Variants in ANKAR observed in about 807,000 individuals in gnomAD.
ANKAR encodes ankyrin and armadillo repeat-containing protein.
ANKAR carries 136 observed loss-of-function variants against 146.2 expected under a neutral mutation model. That is an observed-to-expected ratio of 0.93 (90% CI 0.81 to 1.07). ANKAR has a LOEUF of 1.07. ANKAR is among the 50% of genes least tolerant of loss of function. The probability of loss-of-function intolerance (pLI) is 0.00; values close to 1 mark genes in which losing one functional copy is unlikely to be tolerated. For synonymous variants in ANKAR, 500 were observed against 575.8 expected (o/e 0.87, Z 1.88); for missense variants, 1,567 against 1,679.9 (o/e 0.93, Z 1.18).
At chr2:189,696,425 A>G in intron 7 of ANKAR, 56 bp downstream of exon 7, 2 of 1,516,308 alleles carry the variant, frequency 1.3e-6, no homozygotes, top group South Asian at 2.5e-5. Flanking sequence ...CTTACTCAGC[A>G]TTAGGAATGC....
chr2:189,676,345 A>T, intron 1 of ANKAR, 111 bp from the exon 2 acceptor site: 1 of 967,356 alleles, frequency 1.0e-6, no homozygotes, highest in East Asian at 2.7e-5. Flanking sequence ...ATGGTTGACC[A>T]TGAAAAATTA....
chr2:189,745,515 T>G (rs1270560732), intron 22 of ANKAR, among the ~76,000 whole-genome samples: 2 of 152,228 alleles, frequency 1.3e-5, no homozygotes, highest in Admixed American at 1.3e-4. Context: ...GTTGGTACAT[T>G]ACACTTGAAT....
intron 19 of ANKAR, 53 bp from the exon 20 acceptor site, chr2:189,741,289 T>C: frequency 1.5e-6 from 2 of 1,368,544 alleles, no homozygotes; most frequent in Non-Finnish European, 2.0e-6. Context: ...ATGAAAGTAT[T>C]ATAAGTTTAT....
rs572241201 is a variant in ANKAR at position 189,754,184 on chromosome 2, T to C, written c.*585-6914T>C. The C allele has an allele frequency of 4.3e-5, 70 of 1,613,848 alleles. No individual in the cohort carries two copies. The East Asian group carries it at 1.1e-3, about 25-fold the overall frequency. On this transcript the variant is annotated intron_variant and NMD_transcript_variant, in intron 18 of 18. Coordinates refer to the ANKAR transcript ENST00000441800. ...TCATTATTATTTTATCAGTAACGTGTTGAAGTCCAGTAAAAGAAAAATCAC... is the reference window on the plus strand; with the variant it reads ...TCATTATTATTTTATCAGTAACGTGCTGAAGTCCAGTAAAAGAAAAATCAC...
intron 10 of ANKAR, among the ~76,000 whole-genome samples, chr2:189,714,013 C>T (rs931065391): frequency 6.6e-6 from 1 of 152,028 alleles, no homozygotes; most frequent in Non-Finnish European, 1.5e-5. Context: ...AAAAAGGAGA[C>T]AAGGGCATTA....
chr2:189,751,444 GT>G (rs779920289), downstream of ANKAR, among the ~76,000 whole-genome samples: 11,902 of 125,962 alleles, frequency 0.094, 471 homozygotes, highest in African/African-American at 0.15. Flanking sequence ...GACAAGTTGT[GT>G]TTTTTTTTTT....
intron 2 of ANKAR, among the ~76,000 whole-genome samples, chr2:189,684,642 C>G (rs1189174299): frequency 6.6e-6 from 1 of 151,844 alleles, no homozygotes; most frequent in African/African-American, 2.4e-5. Context: ...TTCGCTTTAG[C>G]TCAGGAGTTC....
intron 7 of ANKAR, among the ~76,000 whole-genome samples, chr2:189,699,882 T>A (rs1429914429): frequency 6.6e-6 from 1 of 152,124 alleles, no homozygotes. Flanking sequence ...GCCAGGCTGG[T>A]CTCGAACTCC....
intron 16 of ANKAR, among the ~76,000 whole-genome samples, chr2:189,732,336 T>C (rs1375780296): frequency 6.6e-6 from 1 of 152,128 alleles, no homozygotes; most frequent in Admixed American, 6.5e-5. Flanking sequence ...TACTATTTCT[T>C]AGTACTACTC....
chr2:189,757,317 C>G (rs1207438823), intron 18 of ANKAR, among the ~76,000 whole-genome samples: 1 of 152,126 alleles, frequency 6.6e-6, no homozygotes, highest in Non-Finnish European at 1.5e-5. Flanking sequence ...CAAGGGTGTC[C>G]TTCAGGTTTC....
At chr2:189,745,027 C>CTACTAATAATAATAATAATAA (rs376824673) in intron 22 of ANKAR, among the ~76,000 whole-genome samples, 6,792 of 130,944 alleles carry the variant, frequency 0.052, 227 homozygotes, top group South Asian at 0.1. Flanking sequence ...ACTACTACTA[C>CTACTAATAATAATAATAATAA]TAATAATACA....
In ANKAR at chr2:189,746,365, G is replaced by A. The variant is rs762442497; in HGVS notation, c.4058-15G>A. On this transcript the variant is annotated splice_polypyrimidine_tract_variant and intron_variant, in intron 22 of 22. Coordinates refer to ENST00000684021, the MANE Select transcript of ANKAR (RefSeq NM_001378068.1). ...GGGCTCTCAGGAGAGACATTTAATT[G>A]TGGCTAATTTTTAGGGAAGGAGCAC... The A allele has an allele frequency of 1.3e-6, 2 of 1,593,352 alleles. No homozygotes were observed. The highest frequency in any genetic ancestry group is 1.7e-6 in the Non-Finnish European group (2 of 1,173,384).
chr2:189,677,279 T>C (rs117135785), intron 2 of ANKAR, among the ~76,000 whole-genome samples, 188 bp downstream of exon 2: 5,304 of 152,154 alleles, frequency 0.035, 107 homozygotes, highest in South Asian at 0.069. Flanking sequence ...TTCAATGCCA[T>C]TTTTAAAATT....
Position 189,695,036 on chromosome 2 carries a change from C to G in ANKAR, c.1363C>G (p.Gln455Glu). The change falls in exon 6 of 23, where the codon CAG (glutamine) becomes GAG (glutamate). Residue 455 changes from glutamine (Q) to glutamate (E), a missense_variant. Transcript: ENST00000684021. ...TTTCTATCAGCAACTATATAAGACACAGTGGTGGGGAGCCATAAATGAAAT... is the reference window on the plus strand; with the variant it reads ...TTTCTATCAGCAACTATATAAGACAGAGTGGTGGGGAGCCATAAATGAAAT... ...ETFYQQLYKT[Q>E]WWGAINEIVN... is the part of the protein sequence containing the mutation. 1.2e-6 allele frequency: 2 copies of G among 1,610,328 alleles called. No homozygotes were observed. The highest frequency in any genetic ancestry group is 1.7e-6 in the Non-Finnish European group (2 of 1,178,128).
chr2:189,724,977 C>A (rs2041706742), intron 12 of ANKAR, among the ~76,000 whole-genome samples: 1 of 152,112 alleles, frequency 6.6e-6, no homozygotes, highest in South Asian at 2.1e-4. Context: ...TATATACCAT[C>A]TTTCTAAGGG....
intron 11 of ANKAR, 130 bp downstream of exon 11, chr2:189,719,943 G>C: frequency 9.4e-7 from 1 of 1,065,590 alleles, no homozygotes; most frequent in Non-Finnish European, 1.3e-6. Flanking sequence ...GGAAAAGGGA[G>C]AGAGGGTGCC....
rs1375331324 is a variant in ANKAR, at chr2:189,746,486, G to A, written c.4164G>A (p.Lys1388=). 2 of 1,613,778 alleles carry A rather than the reference G, an allele frequency of 1.2e-6. No individual in the cohort carries two copies. Among genetic ancestry groups the A allele is most frequent in the Non-Finnish European group, 8.5e-7 (1 of 1,179,882 alleles). ...TGGGACTCTTCAAAGCAACAAAAAA[G>A]ACCAAGGATTCCCATAATATTTTTT... ...NFMGLFKATK[K]TKDSHNIFSF... The change falls in exon 23 of 23, where the codon AAG becomes AAA. Residue 1388 remains lysine (K), a synonymous_variant. Transcript: ENST00000684021.
rs372759915 is a variant in ANKAR, at chr2:189,707,098, A to G, written c.2071A>G (p.Ile691Val). The change falls in exon 9 of 23, where the codon ATA (isoleucine) becomes GTA (valine). Residue 691 changes from isoleucine to valine, a missense_variant. By Grantham distance (29) the Ile-to-Val change is conservative. Transcript: ENST00000684021. ...LTFHTEVLKY[I>V]IKLNIPELPV... The stretch of plus-strand genomic sequence containing the variant: ...CTTTCATACAGAGGTTCTCAAATAT[A>G]TAATAAAATTAAATATTCCTGAACT... 4.4e-6 allele frequency: 7 copies of G among 1,588,332 alleles called. No individual in the cohort carries two copies. In the Admixed American group the frequency reaches 5.2e-5, roughly 12 times the overall value.
At chr2:189,679,593 G>A (rs890119282) in intron 2 of ANKAR, among the ~76,000 whole-genome samples, 1 of 152,162 alleles carries the variant, frequency 6.6e-6, no homozygotes, top group African/African-American at 2.4e-5. Context: ...AATGTTGGCT[G>A]TGGGTTTGTT....
Sources: gnomAD v4.1 joint callset for allele counts (sites outside exome capture counted in the v4.1 genomes callset) on GRCh38, gnomAD v4.1.1 for gene constraint, MANE v1.5 for transcripts, NCBI Gene and HGNC (gene_info 2026-07-23, HGNC 2026-07-21) for gene names.